Variants in TAF4 observed in about 807,000 individuals in gnomAD.
The protein encoded by TAF4 is transcription initiation factor TFIID subunit 4.
TAF4 carries 9 observed loss-of-function variants against 90.3 expected under a neutral mutation model. That is an observed-to-expected ratio of 0.10 (90% CI 0.06 to 0.17). TAF4 has a LOEUF of 0.17. TAF4 is among the 10% of genes least tolerant of loss of function. The pLI, the probability that TAF4 is intolerant of heterozygous loss-of-function variation, is 1.00. For missense variants in TAF4, 1,351 were observed against 1,370.7 expected (o/e 0.99, Z 0.23); for synonymous variants, 818 against 638.9 (o/e 1.28, Z -4.23).
chr20:61,979,315 A>G (rs1454169926), intron 14 of TAF4: 2 of 152,682 alleles, frequency 1.3e-5, no homozygotes, highest in Non-Finnish European at 2.9e-5. Context: ...CTTGGAGAAG[A>G]GTGCTTAGTG....
rs1398234513 is a variant in TAF4 at position 62,006,939 on chromosome 20, G to A, written c.1975-181C>T. 2 of 742,902 alleles carry A rather than the reference G, an allele frequency of 2.7e-6. No individual in the cohort carries two copies. The highest frequency in any genetic ancestry group is 3.8e-6 in the Non-Finnish European group (2 of 531,058). 46.0% of individuals were successfully genotyped at this position (742,902 alleles called of 1,614,324 possible). On this transcript the variant is annotated intron_variant, in intron 6 of 14. Coordinates refer to ENST00000252996, the MANE Select transcript of TAF4 (RefSeq NM_003185.4). The surrounding 1 kb of genome is among the most constrained non-coding windows in gnomAD (Gnocchi z 7.0). ...GGACCCCATCCTGCCCTCCCACTAAGTGGGATTATTCCTGATAGCAAATGT... is the reference window on the plus strand; with the variant it reads ...GGACCCCATCCTGCCCTCCCACTAAATGGGATTATTCCTGATAGCAAATGT...
chr20:62,003,857 G>A lies in TAF4; in HGVS notation c.2245C>T (p.Pro749Ser). 6.3e-7 allele frequency: 1 copy of A among 1,579,548 alleles called. No individual in the cohort carries two copies. The change falls in exon 8 of 15, where the codon CCA becomes TCA. Residue 749 changes from proline to serine, a missense_variant. Pro to Ser is a moderately conservative substitution (Grantham distance 74). This residue lies in a region of TAF4 where 202 missense variants were observed against 229.7 expected (regional missense o/e 0.88). Coordinates refer to ENST00000252996, the MANE Select transcript of TAF4 (RefSeq NM_003185.4). ...TPLVIQQPPKPGALIRPPQVT... is the reference protein window; with the variant it reads ...TPLVIQQPPKSGALIRPPQVT... The stretch of plus-strand genomic sequence containing the variant: ...TGCGGGGGCCGGATCAGGGCTCCTG[G>A]CTTCGGAGGCTGCTGGATGACCTGA...
At chr20:62,016,079 G>A (rs997405104) in intron 1 of TAF4, among the ~76,000 whole-genome samples, 3 of 152,234 alleles carry the variant, frequency 2.0e-5, no homozygotes, top group Non-Finnish European at 2.9e-5. Context: ...CCGTCTCCGA[G>A]TCTGTGCCCA....
At position 62,065,182 on chromosome 20, in the gene TAF4, G is replaced by A. The variant is rs1305301170; in HGVS notation, c.629C>T (p.Ala210Val). Reference protein sequence around the residue: ...GSAALLNSHHAAAPAVSLVNN... With the variant: ...GSAALLNSHHVAAPAVSLVNN... ...GACCAGGCTGACAGCAGGTGCGGCGGCGTGGTGCGAGTTCAGCAGCGCGGC... is the reference window on the plus strand; with the variant it reads ...GACCAGGCTGACAGCAGGTGCGGCGACGTGGTGCGAGTTCAGCAGCGCGGC... Residue 210 changes from alanine (A) to valine (V), a missense_variant, in exon 1 of 15, where the codon GCC becomes GTC. Physicochemically the swap from Ala to Val is moderately conservative, Grantham distance 64. Coordinates refer to ENST00000252996, the MANE Select transcript of TAF4 (RefSeq NM_003185.4). The A allele has an allele frequency of 2.5e-6, 3 of 1,211,622 alleles. No homozygotes were observed. Among genetic ancestry groups the A allele is most frequent in the East Asian group, 8.3e-5 (1 of 12,036 alleles). The allele number at this position is 1,211,622 out of a possible 1,614,324, so 75.1% of individuals were successfully genotyped here.
At chr20:62,008,997 C>A (rs1051415284) in intron 5 of TAF4, 55 bp downstream of exon 5, 1 of 1,580,124 alleles carries the variant, frequency 6.3e-7, no homozygotes, top group African/African-American at 1.4e-5. Flanking sequence ...CAACAGGTGT[C>A]TGTCCTATGC....
chr20:62,003,594 G>A (rs973787500), intron 8 of TAF4, 137 bp downstream of exon 8: 8 of 961,578 alleles, frequency 8.3e-6, no homozygotes, highest in Non-Finnish European at 1.5e-6. Context: ...AATGAAATCA[G>A]TGCCACTGAA....
At chr20:62,057,193 A>G (rs2056069538) in intron 1 of TAF4, among the ~76,000 whole-genome samples, 2 of 152,216 alleles carry the variant, frequency 1.3e-5, no homozygotes, top group African/African-American at 4.8e-5. Context: ...CTCTGCCCAC[A>G]GTGTCTGCAG....
At chr20:62,011,765 G>C (rs546779783) in intron 3 of TAF4, among the ~76,000 whole-genome samples, 1 of 152,332 alleles carries the variant, frequency 6.6e-6, no homozygotes, top group East Asian at 1.9e-4. Flanking sequence ...AAGGACTCTG[G>C]ATCTCTCTGC....
chr20:62,020,033 G>A (rs1014162137), intron 1 of TAF4, among the ~76,000 whole-genome samples: 2 of 152,148 alleles, frequency 1.3e-5, no homozygotes, highest in African/African-American at 4.8e-5. Flanking sequence ...TGCACCACCC[G>A]CCCTGGCTTG....
At chr20:62,019,068 CA>C (rs1424679812) in intron 1 of TAF4, among the ~76,000 whole-genome samples, 1 of 152,150 alleles carries the variant, frequency 6.6e-6, no homozygotes, top group African/African-American at 2.4e-5. Flanking sequence ...TGTGCACATA[CA>C]ACCACCACAA....
chr20:62,041,061 G>A (rs114247483), intron 1 of TAF4, among the ~76,000 whole-genome samples: 2,239 of 152,296 alleles, frequency 0.015, 58 homozygotes, highest in African/African-American at 0.051. Flanking sequence ...GTAGGAAGCC[G>A]GACACCAGGG....
intron 1 of TAF4, among the ~76,000 whole-genome samples, chr20:62,057,250 T>C (rs960712597): frequency 3.9e-5 from 6 of 152,200 alleles, no homozygotes; most frequent in South Asian, 2.1e-4. Context: ...CCAGGTGTGC[T>C]TGGGCCACAC....
Position 61,990,036 on chromosome 20 carries a change from G to A in TAF4, c.3090+7514C>T, listed in dbSNP as rs552249540. On this transcript the variant is annotated intron_variant, in intron 14 of 14. Coordinates refer to ENST00000252996, the MANE Select transcript of TAF4 (RefSeq NM_003185.4). ...CACGGCCATGGGAATCGGCCACGAC[G>A]CTGTGGAGAAACACAGCCCACAGCA... Among the ~76,000 whole-genome samples the A allele has an allele frequency of 3.9e-5, 6 of 152,284 alleles. No individual in the cohort carries two copies. In the East Asian group the frequency reaches 5.8e-4, roughly 15 times the overall value.
chr20:62,007,610 G>A lies in TAF4; in HGVS notation c.1911C>T (p.Phe637=). The A allele has an allele frequency of 1.2e-6, 2 of 1,602,530 alleles. No homozygotes were observed. The highest frequency in any genetic ancestry group is 1.7e-6 in the Non-Finnish European group (2 of 1,176,078). Residue 637 remains phenylalanine (F), a synonymous_variant, in exon 6 of 15, where the codon TTC becomes TTT. Transcript: ENST00000252996. ...TAAGTTCTCGGTATAACCTGCTTGT[G>A]AAATCTTCTGCTTCTATTTTTCCAT... is the stretch of plus-strand genomic sequence containing the variant. ...LLDGKIEAED[F]TSRLYRELNS... is the part of the protein sequence containing the mutation.
At chr20:62,023,399 C>A (rs1967994602) in intron 1 of TAF4, among the ~76,000 whole-genome samples, 1 of 152,112 alleles carries the variant, frequency 6.6e-6, no homozygotes, top group African/African-American at 2.4e-5. Flanking sequence ...CCACTGCAGT[C>A]CAGCCTGGGT....
At chr20:61,980,055 A>C (rs1325494946) in intron 14 of TAF4, 2 of 152,444 alleles carry the variant, frequency 1.3e-5, no homozygotes, top group African/African-American at 4.8e-5. Context: ...CTGGGATTAG[A>C]AAACAAGCAA....
chr20:62,029,473 C>T (rs1479096890), intron 1 of TAF4, among the ~76,000 whole-genome samples: 3 of 119,376 alleles, frequency 2.5e-5, no homozygotes, highest in Admixed American at 1.6e-4. Context: ...CCAGTGCCCA[C>T]GTGCGCGCGC....
intron 6 of TAF4, 77 bp downstream of exon 6, chr20:62,007,470 C>T (rs1184736424): frequency 8.4e-6 from 12 of 1,422,674 alleles, no homozygotes; most frequent in Non-Finnish European, 1.2e-5. Context: ...AGCATCCTCG[C>T]CCTGCACACT....
intron 14 of TAF4, among the ~76,000 whole-genome samples, chr20:61,976,688 C>A (rs1054459457): frequency 1.3e-5 from 2 of 152,256 alleles, no homozygotes; most frequent in African/African-American, 2.4e-5. Context: ...CACAGCTGGA[C>A]TGCCTGTGGA....
Sources: allele counts gnomAD v4.1 joint callset (sites outside exome capture counted in the v4.1 genomes callset), GRCh38; gene constraint gnomAD v4.1.1; regional missense constraint gnomAD v4.1.1; non-coding constraint Gnocchi (gnomAD v3.1); transcripts MANE v1.5; gene names NCBI Gene and HGNC (gene_info 2026-07-23, HGNC 2026-07-21).